RP1: variants seen among roughly 807,000 people sequenced by gnomAD.
RP1 encodes RP1 axonemal microtubule associated.
In RP1, 16 loss-of-function variants were observed where a neutral mutation model predicts 14.8. The observed-to-expected ratio is 1.08, with a 90% CI of 0.73 to 1.65. RP1 has a LOEUF of 1.65. Among genes scored for constraint, RP1 ranks in the 40% most tolerant of loss-of-function variants. RP1 has a pLI of 0.00. For synonymous variants in RP1, 876 were observed against 883.6 expected (o/e 0.99, Z 0.15); for missense variants, 2,631 against 2,535.0 (o/e 1.04, Z -0.81).
chr8:54,779,580 A>C (rs1389974240), intron 23 of RP1, among the ~76,000 whole-genome samples: 1 of 152,226 alleles, frequency 6.6e-6, no homozygotes, highest in Non-Finnish European at 1.5e-5. Flanking sequence ...ACACAGAATA[A>C]GGTAAAGAAA....
upstream of RP1, among the ~76,000 whole-genome samples, chr8:54,614,141 A>C (rs1303030366): frequency 6.6e-6 from 1 of 152,258 alleles, no homozygotes; most frequent in Non-Finnish European, 1.5e-5. Context: ...CATGGCTTGC[A>C]GATTCACATA....
rs867142331 is a variant in RP1 at position 54,602,461 on chromosome 8, G to A, written c.-12-18494G>A. 2.0e-4 allele frequency among the ~76,000 whole-genome samples: 31 copies of A among 152,282 alleles called. 1 individual carries two copies. The East Asian group carries it at 3.9e-3, about 19-fold the overall frequency. The stretch of plus-strand genomic sequence containing the variant: ...TTGTTGGACATTTGGGTTGGTTCCA[G>A]GTCTTTGCTATTGTGAATAGTGCTG... On this transcript the variant is annotated intron_variant, in intron 1 of 22. Transcript: ENST00000636932.
At chr8:54,720,247 C>T (rs949248354) in exon 16 of RP1, 1 of 1,535,796 alleles carries the variant, frequency 6.5e-7, no homozygotes, top group Non-Finnish European at 8.7e-7. Context: ...GATGGGCAGG[C>T]AAAACCAATG....
intron 1 of RP1, among the ~76,000 whole-genome samples, chr8:54,580,456 G>C (rs911787983): frequency 6.7e-6 from 1 of 150,036 alleles, no homozygotes; most frequent in African/African-American, 2.5e-5. Flanking sequence ...ACAGGCGTGC[G>C]CCACCACGCC....
intron 12 of RP1, chr8:54,696,803 C>A: frequency 2.7e-6 from 2 of 727,756 alleles, no homozygotes; most frequent in Middle Eastern, 3.9e-4. Context: ...TATAGTGGAA[C>A]GTTATGTGAC....
chr8:54,853,268 T>C (rs1314685432), intron 26 of RP1, among the ~76,000 whole-genome samples: 1 of 152,000 alleles, frequency 6.6e-6, no homozygotes, highest in Non-Finnish European at 1.5e-5. Context: ...ATAGTGTGAG[T>C]CCTCTTGAAG....
downstream of RP1, among the ~76,000 whole-genome samples, chr8:54,770,630 C>T (rs542223776): frequency 3.0e-4 from 44 of 148,352 alleles, no homozygotes; most frequent in East Asian, 8.3e-3. Flanking sequence ...TGCCTAAAAC[C>T]ATGATTTCAT....
intron 12 of RP1, among the ~76,000 whole-genome samples, chr8:54,691,735 C>G (rs1174132106): frequency 6.6e-6 from 1 of 151,884 alleles, no homozygotes; most frequent in Non-Finnish European, 1.5e-5. Context: ...CTAAAAATCA[C>G]TGATAAAATG....
intron 28 of RP1, among the ~76,000 whole-genome samples, chr8:54,866,970 G>A (rs886883894): frequency 6.6e-6 from 1 of 152,186 alleles, no homozygotes; most frequent in African/African-American, 2.4e-5. Context: ...CCTGCTAGGT[G>A]TTAGGTACTA....
chr8:54,721,852 A>G (rs763770818), intron 16 of RP1, among the ~76,000 whole-genome samples: 2 of 152,208 alleles, frequency 1.3e-5, no homozygotes, highest in Non-Finnish European at 2.9e-5. Context: ...ACAAAATAAT[A>G]CTTTCCAGTT....
chr8:54,579,727 G>A (rs1052166053), intron 1 of RP1, among the ~76,000 whole-genome samples: 4 of 152,124 alleles, frequency 2.6e-5, no homozygotes, highest in East Asian at 3.9e-4. Flanking sequence ...TGTCTTGCTC[G>A]CAGTTAGAGA....
At chr8:54,829,550 A>G (rs1585728416) in intron 24 of RP1, among the ~76,000 whole-genome samples, 1 of 152,162 alleles carries the variant, frequency 6.6e-6, no homozygotes, top group Non-Finnish European at 1.5e-5. Context: ...CTGACTTTTG[A>G]TATATTTATG....
intron 7 of RP1, among the ~76,000 whole-genome samples, chr8:54,672,549 C>G (rs888488522): frequency 6.6e-6 from 1 of 152,158 alleles, no homozygotes; most frequent in African/African-American, 2.4e-5. Context: ...CTTAGTGTCT[C>G]CGTGTGTAAA....
chr8:54,852,481 A>G, intron 25 of RP1: 1 of 917,674 alleles, frequency 1.1e-6, no homozygotes, highest in Non-Finnish European at 1.4e-6. Flanking sequence ...CAACTAGATG[A>G]AAGAACATTC....
intron 15 of RP1, among the ~76,000 whole-genome samples, chr8:54,716,365 T>C (rs974663611): frequency 3.3e-5 from 5 of 152,150 alleles, no homozygotes. Context: ...ATTTATTCTT[T>C]TTTTCTCCTT....
chr8:54,766,211 C>T (rs1218732524), intron 22 of RP1, among the ~76,000 whole-genome samples: 1 of 151,782 alleles, frequency 6.6e-6, no homozygotes, highest in Non-Finnish European at 1.5e-5. Context: ...TTTTCCCTTT[C>T]TGGGAAAAGA....
intron 24 of RP1, among the ~76,000 whole-genome samples, chr8:54,830,256 A>G (rs570678198): frequency 6.7e-6 from 1 of 148,984 alleles, no homozygotes; most frequent in East Asian, 1.9e-4. Context: ...TGCTGAATTG[A>G]CTCTTGTCAT....
chr8:54,741,852 TAATAAC>T (rs1440182018), intron 19 of RP1, among the ~76,000 whole-genome samples: 1 of 150,470 alleles, frequency 6.6e-6, no homozygotes, highest in Non-Finnish European at 1.5e-5. Flanking sequence ...ATCATGGCAG[TAATAAC>T]AATAATAATA....
intron 24 of RP1, among the ~76,000 whole-genome samples, chr8:54,803,823 A>C (rs921242672): frequency 1.4e-4 from 21 of 152,210 alleles, no homozygotes; most frequent in Non-Finnish European, 2.9e-5. Context: ...TAATCCCAGC[A>C]CTTTGGGAGG....
Sources: gnomAD v4.1 joint callset for allele counts (sites outside exome capture counted in the v4.1 genomes callset) on GRCh38, gnomAD v4.1.1 for gene constraint, MANE v1.5 for transcripts, NCBI Gene and HGNC (gene_info 2026-07-23, HGNC 2026-07-21) for gene names.